Variants in SIL1 observed in about 807,000 individuals in gnomAD.
SIL1 encodes SIL1 nucleotide exchange factor.
Under a neutral mutation model 49.1 loss-of-function variants are expected in SIL1, and 40 were observed. The observed-to-expected ratio is 0.81, with a 90% CI of 0.63 to 1.06. The LOEUF (loss-of-function observed/expected upper bound fraction) is 1.06. SIL1 is among the 50% of genes least tolerant of loss of function. SIL1 has a pLI of 0.00. For missense variants in SIL1, 500 were observed against 572.6 expected, an observed-to-expected ratio of 0.87 and a Z score of 1.29; for synonymous variants, 253 against 250.8, an observed-to-expected ratio of 1.01 and a Z score of -0.08.
intron 7 of SIL1, among the ~76,000 whole-genome samples, chr5:138,956,479 C>T (rs982192739): frequency 3.3e-5 from 5 of 152,206 alleles, no homozygotes; most frequent in Admixed American, 3.3e-4. Flanking sequence ...CGCAGTGGCT[C>T]ACGCCTGTAA....
chr5:139,026,355 A>G (rs1003190269), intron 6 of SIL1, among the ~76,000 whole-genome samples: 1 of 152,148 alleles, frequency 6.6e-6, no homozygotes, highest in Non-Finnish European at 1.5e-5. Flanking sequence ...TAATCCCAGC[A>G]CTTTGGGAGG....
At chr5:139,160,964 C>T (rs1471459759) in intron 1 of SIL1, among the ~76,000 whole-genome samples, 19 of 152,196 alleles carry the variant, frequency 1.2e-4, no homozygotes, top group Admixed American at 1.2e-3. Flanking sequence ...GAATAACAGG[C>T]TGGGCGCGGT....
intron 1 of SIL1, among the ~76,000 whole-genome samples, chr5:139,174,657 T>C (rs545062068): frequency 6.7e-6 from 1 of 149,986 alleles, no homozygotes; most frequent in Non-Finnish European, 1.5e-5. Context: ...CAAAAAAGAC[T>C]GCAGGGTGAA....
intron 7 of SIL1, among the ~76,000 whole-genome samples, chr5:138,995,722 A>C (rs1767853874): frequency 6.6e-6 from 1 of 151,926 alleles, no homozygotes. Context: ...TCTTTCCCCT[A>C]CTTTTCCTAG....
At chr5:138,980,900 G>A (rs1561814172) in intron 7 of SIL1, among the ~76,000 whole-genome samples, 1 of 152,114 alleles carries the variant, frequency 6.6e-6, no homozygotes, top group African/African-American at 2.4e-5. Flanking sequence ...GCAGCCTCAT[G>A]TTCTTATGAG....
chr5:139,068,655 G>GA (rs745799045), intron 3 of SIL1, among the ~76,000 whole-genome samples: 1,969 of 64,768 alleles, frequency 0.03, 43 homozygotes, highest in African/African-American at 0.061. Flanking sequence ...GAATGAAAAG[G>GA]AAAAAAAAAA....
chr5:139,075,143 T>TA (rs1769921847), intron 3 of SIL1, among the ~76,000 whole-genome samples: 1 of 152,218 alleles, frequency 6.6e-6, no homozygotes, highest in African/African-American at 2.4e-5. Context: ...TTTATGAGGT[T>TA]ATGTTTAATA....
chr5:138,951,101 C>CT lies in SIL1; in HGVS notation c.1029+69dup. On this transcript the variant is annotated intron_variant, in intron 9 of 9. Transcript: ENST00000394817. ...AAGTGACGTCCGCAGTCTCTTCCAT[C>CT]TGTCTGTCCATCCACCCAGAAGCAC... 3 of 1,533,722 alleles carry CT rather than the reference C, an allele frequency of 2.0e-6. No individual in the cohort carries two copies. The South Asian group carries it at 3.5e-5, about 18-fold the overall frequency.
At chr5:138,972,273 A>G (rs753748156) in intron 7 of SIL1, among the ~76,000 whole-genome samples, 48 of 152,312 alleles carry the variant, frequency 3.2e-4, no homozygotes, top group Non-Finnish European at 4.9e-4. Context: ...TTCTGCCACC[A>G]TTACTTGTCC....
At chr5:138,999,884 TA>T (rs1767951740) in intron 7 of SIL1, among the ~76,000 whole-genome samples, 1 of 152,044 alleles carries the variant, frequency 6.6e-6, no homozygotes, top group South Asian at 2.1e-4. Flanking sequence ...GGTGACAGAG[TA>T]AGTCTCAGAA....
At chr5:139,009,330 T>A (rs1768197211) in intron 7 of SIL1, among the ~76,000 whole-genome samples, 1 of 143,712 alleles carries the variant, frequency 7.0e-6, no homozygotes, top group Non-Finnish European at 1.5e-5. Flanking sequence ...TCTTCCTCCA[T>A]CCTTTTATTT....
At chr5:139,044,011 C>A (rs183960942) in intron 4 of SIL1, among the ~76,000 whole-genome samples, 1 of 152,258 alleles carries the variant, frequency 6.6e-6, no homozygotes, top group Non-Finnish European at 1.5e-5. Context: ...GGCCTCAGCT[C>A]TCATGTACCA....
chr5:139,039,677 T>C (rs1202091121), intron 5 of SIL1, among the ~76,000 whole-genome samples: 1 of 152,196 alleles, frequency 6.6e-6, no homozygotes, highest in Non-Finnish European at 1.5e-5. Context: ...TTTAGTATTA[T>C]GTCCAGGGTT....
At chr5:139,061,734 C>A (rs1195655258) in intron 3 of SIL1, among the ~76,000 whole-genome samples, 1 of 152,062 alleles carries the variant, frequency 6.6e-6, no homozygotes, top group African/African-American at 2.4e-5. Context: ...AATGTCAACC[C>A]GGATGAAGCA....
At chr5:139,066,793 C>A (rs1378897400) in intron 3 of SIL1, among the ~76,000 whole-genome samples, 1 of 152,124 alleles carries the variant, frequency 6.6e-6, no homozygotes, top group Non-Finnish European at 1.5e-5. Flanking sequence ...GCAGCCTTGA[C>A]CTCCCAGGCT....
Position 139,025,317 on chromosome 5 carries a change from C to T in SIL1, c.645+1484G>A, listed in dbSNP as rs532527457. On this transcript the variant is annotated intron_variant, in intron 6 of 9. Transcript: ENST00000394817. The stretch of plus-strand genomic sequence containing the variant: ...GCACAGAGTTTAGGGTCAGACAGAC[C>T]TTGCTGCAAATTCCAGCTCTACCAC... Among the ~76,000 whole-genome samples the T allele has an allele frequency of 2.0e-5, 3 of 152,250 alleles. No homozygotes were observed. In the South Asian group the frequency reaches 6.2e-4, roughly 32 times the overall value.
At chr5:139,133,137 C>T (rs1418977014) in intron 1 of SIL1, among the ~76,000 whole-genome samples, 1 of 152,152 alleles carries the variant, frequency 6.6e-6, no homozygotes, top group South Asian at 2.1e-4. Flanking sequence ...ATTTATGGCC[C>T]TCTTCTGACA....
chr5:139,034,710 A>G (rs1313581639), intron 5 of SIL1, among the ~76,000 whole-genome samples: 1 of 152,232 alleles, frequency 6.6e-6, no homozygotes, highest in East Asian at 1.9e-4. Context: ...CTATCAAACA[A>G]TTTTAAAAAC....
chr5:139,047,257 A>G (rs999139224), intron 4 of SIL1, among the ~76,000 whole-genome samples: 1 of 152,240 alleles, frequency 6.6e-6, no homozygotes, highest in African/African-American at 2.4e-5. Flanking sequence ...TAAAACCACT[A>G]GAGATGGCAA....
Sources: allele counts gnomAD v4.1 joint callset (sites outside exome capture counted in the v4.1 genomes callset), GRCh38; gene constraint gnomAD v4.1.1; transcripts MANE v1.5; gene names NCBI Gene and HGNC (gene_info 2026-07-23, HGNC 2026-07-21).